TCERG1L: variants seen among roughly 807,000 people sequenced by gnomAD.
TCERG1L encodes transcription elongation regulator 1-like protein.
Under a neutral mutation model 56.3 loss-of-function variants are expected in TCERG1L, and 37 were observed. The observed-to-expected ratio is 0.66, with a 90% CI of 0.51 to 0.87. The LOEUF (loss-of-function observed/expected upper bound fraction) is 0.87, where lower values mean the gene tolerates loss of function less well. Ranked by LOEUF, TCERG1L falls within the 40% of genes least tolerant of loss-of-function variation. The pLI, the probability that TCERG1L is intolerant of heterozygous loss-of-function variation, is 0.00. For synonymous variants in TCERG1L, 324 were observed against 326.3 expected, an observed-to-expected ratio of 0.99 and a Z score of 0.08; for missense variants, 799 against 774.2, an observed-to-expected ratio of 1.03 and a Z score of -0.38.
chr10:131,268,203 T>C (rs1447233703), intron 3 of TCERG1L, among the ~76,000 whole-genome samples: 2 of 152,248 alleles, frequency 1.3e-5, no homozygotes, highest in African/African-American at 4.8e-5. Context: ...CTGCTGCAGC[T>C]GGCATCTTGG....
intron 4 of TCERG1L, among the ~76,000 whole-genome samples, chr10:131,198,152 C>T (rs893109773): frequency 6.6e-6 from 1 of 152,202 alleles, no homozygotes; most frequent in Non-Finnish European, 1.5e-5. Flanking sequence ...GTCTGGGCAT[C>T]CTGGTATGTT....
At chr10:131,104,475 T>C in intron 9 of TCERG1L, 121 bp from the exon 10 acceptor site, 2 of 646,440 alleles carry the variant, frequency 3.1e-6, no homozygotes, top group Non-Finnish European at 5.5e-6. Context: ...GTACAATAGA[T>C]TCCGTGATGT....
intron 4 of TCERG1L, among the ~76,000 whole-genome samples, chr10:131,213,268 C>T (rs575653840): frequency 2.6e-5 from 4 of 152,218 alleles, no homozygotes; most frequent in African/African-American, 9.6e-5. Context: ...AAGAAAGGCC[C>T]AGACTCATCA....
intron 6 of TCERG1L, among the ~76,000 whole-genome samples, chr10:131,148,399 G>T (rs1845822588): frequency 6.7e-6 from 1 of 149,780 alleles, no homozygotes; most frequent in Admixed American, 6.6e-5. Context: ...TAAACACACA[G>T]ATATACAGAG....
At chr10:131,182,439 TC>T (rs2133453720) in intron 4 of TCERG1L, among the ~76,000 whole-genome samples, 1 of 152,338 alleles carries the variant, frequency 6.6e-6, no homozygotes, top group African/African-American at 2.4e-5. Context: ...ATTTAAAACA[TC>T]CTCTTTGATA....
intron 3 of TCERG1L, among the ~76,000 whole-genome samples, chr10:131,272,478 C>A (rs540758768): frequency 1.3e-5 from 2 of 152,272 alleles, no homozygotes; most frequent in South Asian, 4.1e-4. Context: ...CTCCACGGGC[C>A]CCTTTCATCT....
At chr10:131,298,043 A>T (rs1846717331) in intron 3 of TCERG1L, among the ~76,000 whole-genome samples, 1 of 151,738 alleles carries the variant, frequency 6.6e-6, no homozygotes, top group East Asian at 1.9e-4. Flanking sequence ...TCTGTTTTTT[A>T]ATTTTTTAAT....
intron 8 of TCERG1L, among the ~76,000 whole-genome samples, chr10:131,131,399 G>A (rs74160858): frequency 0.021 from 3,197 of 152,288 alleles, 106 homozygotes; most frequent in African/African-American, 0.07. Context: ...GAAACTGGCA[G>A]CACCTCCAGG....
intron 4 of TCERG1L, among the ~76,000 whole-genome samples, chr10:131,169,919 A>G (rs1172341677): frequency 6.9e-6 from 1 of 145,688 alleles, no homozygotes; most frequent in Non-Finnish European, 1.5e-5. Flanking sequence ...GATATTTTTC[A>G]TATTGAAAAC....
At chr10:131,176,845 CATAGGA>C (rs141287830) in intron 4 of TCERG1L, among the ~76,000 whole-genome samples, 363 of 8,652 alleles carry the variant, frequency 0.042, no homozygotes, top group South Asian at 0.096. Flanking sequence ...CACACAGGCA[CATAGGA>C]ACACACAGAG....
intron 4 of TCERG1L, among the ~76,000 whole-genome samples, chr10:131,245,109 A>G (rs1846016920): frequency 6.6e-6 from 1 of 152,210 alleles, no homozygotes; most frequent in Admixed American, 6.5e-5. Flanking sequence ...CCGGCCACAG[A>G]TCTTGGCTGA....
At chr10:131,122,720 G>A (rs1165023427) in intron 8 of TCERG1L, among the ~76,000 whole-genome samples, 1 of 152,234 alleles carries the variant, frequency 6.6e-6, no homozygotes, top group African/African-American at 2.4e-5. Flanking sequence ...CAAACTTGAA[G>A]GAGGGTGGTG....
intron 3 of TCERG1L, among the ~76,000 whole-genome samples, chr10:131,298,196 G>T (rs1846719526): frequency 6.7e-6 from 1 of 148,396 alleles, no homozygotes; most frequent in Non-Finnish European, 1.5e-5. Context: ...GTCCATCTAA[G>T]CTATGTCCCA....
intron 4 of TCERG1L, among the ~76,000 whole-genome samples, chr10:131,201,882 G>A (rs563921909): frequency 2.2e-4 from 33 of 152,264 alleles, no homozygotes; most frequent in African/African-American, 7.5e-4. Flanking sequence ...TGCTGAAGGC[G>A]CATCCATCGA....
intron 8 of TCERG1L, 73 bp from the exon 9 acceptor site, chr10:131,117,007 AC>A: frequency 6.6e-7 from 1 of 1,507,226 alleles, no homozygotes. Context: ...ACCTTTACAA[AC>A]CCTCCTCAAG....
intron 4 of TCERG1L, among the ~76,000 whole-genome samples, chr10:131,203,365 T>A (rs1165335896): frequency 2.7e-5 from 4 of 148,276 alleles, no homozygotes; most frequent in Non-Finnish European, 4.5e-5. Flanking sequence ...CATGGTCTCG[T>A]CACTTAAGAT....
chr10:131,259,233 T>C (rs767488827), intron 4 of TCERG1L, among the ~76,000 whole-genome samples: 1 of 152,176 alleles, frequency 6.6e-6, no homozygotes, highest in Non-Finnish European at 1.5e-5. Context: ...AACTAGGCTG[T>C]TTGTCTTTCT....
intron 3 of TCERG1L, among the ~76,000 whole-genome samples, chr10:131,290,328 T>A (rs1453013638): frequency 6.6e-6 from 1 of 152,156 alleles, no homozygotes; most frequent in Non-Finnish European, 1.5e-5. Flanking sequence ...ATTTGAAGCC[T>A]ACTTTTAAAA....
intron 7 of TCERG1L, among the ~76,000 whole-genome samples, chr10:131,140,521 C>T (rs375434075): frequency 3.5e-4 from 53 of 152,356 alleles, no homozygotes; most frequent in South Asian, 1.7e-3. Context: ...AACCCCAGGT[C>T]ACGCCTTAAC....
Sources: allele counts gnomAD v4.1 joint callset (sites outside exome capture counted in the v4.1 genomes callset), GRCh38; gene constraint gnomAD v4.1.1; transcripts MANE v1.5; gene names NCBI Gene and HGNC (gene_info 2026-07-23, HGNC 2026-07-21).